Variants in COG5 observed in about 807,000 individuals in gnomAD.
COG5 encodes the protein conserved oligomeric Golgi complex subunit 5.
In COG5, 86 loss-of-function variants were observed where a neutral mutation model predicts 110.4. The observed-to-expected ratio is 0.78, with a 90% confidence interval of 0.65 to 0.93. The LOEUF (loss-of-function observed/expected upper bound fraction) is 0.93. Ranked by LOEUF, COG5 falls within the 40% of genes least tolerant of loss-of-function variation. The pLI, the probability that COG5 is intolerant of heterozygous loss-of-function variation, is 0.00. For missense variants in COG5, 1,077 were observed against 987.0 expected, an observed-to-expected ratio of 1.09 and a Z score of -1.22; for synonymous variants, 360 against 334.6, an observed-to-expected ratio of 1.08 and a Z score of -0.83.
chr7:107,531,997 C>G (rs1161513625), intron 5 of COG5, among the ~76,000 whole-genome samples: 2 of 152,222 alleles, frequency 1.3e-5, no homozygotes, highest in Non-Finnish European at 1.5e-5. Context: ...ATTTCATGCC[C>G]CAGACCTGGA....
At chr7:107,508,689 A>G (rs1170830581) in intron 6 of COG5, among the ~76,000 whole-genome samples, 1 of 152,156 alleles carries the variant, frequency 6.6e-6, no homozygotes, top group Non-Finnish European at 1.5e-5. Context: ...AAACTTCCAG[A>G]GGAACGATCA....
chr7:107,467,274 T>A (rs1307227799), intron 6 of COG5, among the ~76,000 whole-genome samples: 2 of 152,188 alleles, frequency 1.3e-5, no homozygotes, highest in Admixed American at 1.3e-4. Context: ...AAAGGTTATA[T>A]TAATTGCACA....
intron 11 of COG5, among the ~76,000 whole-genome samples, chr7:107,317,922 G>A (rs188333227): frequency 6.6e-6 from 1 of 152,234 alleles, no homozygotes; most frequent in Admixed American, 6.5e-5. Context: ...TACCTTCTAC[G>A]ATTTTACTAA....
intron 7 of COG5, 97 bp from the exon 8 acceptor site, chr7:107,372,857 T>G (rs1478292495): frequency 1.8e-6 from 2 of 1,139,468 alleles, no homozygotes; most frequent in Non-Finnish European, 2.5e-6. Context: ...TCAGCAGTCC[T>G]ATCATATTTA....
intron 6 of COG5, among the ~76,000 whole-genome samples, chr7:107,483,107 T>A (rs1797445934): frequency 6.6e-6 from 1 of 152,176 alleles, no homozygotes; most frequent in East Asian, 1.9e-4. Flanking sequence ...TTAATGCAAT[T>A]TAGTAAACAG....
At chr7:107,221,460 G>C (rs192047810) in intron 19 of COG5, among the ~76,000 whole-genome samples, 1 of 152,056 alleles carries the variant, frequency 6.6e-6, no homozygotes, top group East Asian at 1.9e-4. Context: ...AGAATTAAGT[G>C]CCAAGAAATG....
intron 6 of COG5, among the ~76,000 whole-genome samples, chr7:107,511,790 A>C (rs1473351873): frequency 6.6e-6 from 1 of 152,220 alleles, no homozygotes; most frequent in Non-Finnish European, 1.5e-5. Flanking sequence ...ACCAAAGACA[A>C]AAACCACACG....
intron 10 of COG5, among the ~76,000 whole-genome samples, chr7:107,356,364 A>C (rs996164769): frequency 1.3e-5 from 2 of 152,224 alleles, no homozygotes; most frequent in Admixed American, 6.5e-5. Flanking sequence ...AAACATATCT[A>C]TTAAATTAGC....
At chr7:107,397,175 A>T (rs1791077922) in intron 7 of COG5, among the ~76,000 whole-genome samples, 1 of 152,236 alleles carries the variant, frequency 6.6e-6, no homozygotes, top group East Asian at 1.9e-4. Context: ...CCAGTGAGAC[A>T]TAAGGACATG....
intron 7 of COG5, among the ~76,000 whole-genome samples, chr7:107,400,722 G>A (rs1330033485): frequency 6.6e-6 from 1 of 152,122 alleles, no homozygotes; most frequent in East Asian, 1.9e-4. Flanking sequence ...TTAATTAGAT[G>A]TAAGTCCACA....
At chr7:107,230,003 AC>A (rs1800666869) in intron 19 of COG5, among the ~76,000 whole-genome samples, 2 of 151,596 alleles carry the variant, frequency 1.3e-5, no homozygotes. Flanking sequence ...GGTGTGCACC[AC>A]CATGCCCAGC....
intron 14 of COG5, among the ~76,000 whole-genome samples, chr7:107,277,376 G>A (rs1241553507): frequency 1.3e-5 from 2 of 152,018 alleles, no homozygotes; most frequent in Admixed American, 6.6e-5. Flanking sequence ...CTCATTATAC[G>A]TTTCTGCTTA....
intron 21 of COG5, 125 bp from the exon 22 acceptor site, chr7:107,203,755 AGCCAAGT>A: frequency 1.4e-6 from 1 of 689,960 alleles, no homozygotes; most frequent in Non-Finnish European, 2.6e-6. Context: ...CGGTTTCACA[AGCCAAGT>A]GACCAACAGC....
intron 12 of COG5, among the ~76,000 whole-genome samples, chr7:107,289,778 T>C (rs549003171): frequency 6.6e-6 from 1 of 152,374 alleles, no homozygotes; most frequent in East Asian, 1.9e-4. Flanking sequence ...CATCTGTTAA[T>C]GTTAATAAAC....
intron 6 of COG5, among the ~76,000 whole-genome samples, chr7:107,523,015 G>T (rs1209476636): frequency 6.6e-6 from 1 of 152,048 alleles, no homozygotes; most frequent in Non-Finnish European, 1.5e-5. Context: ...ATTTCTATAT[G>T]AATTTTAAAA....
intron 1 of COG5, among the ~76,000 whole-genome samples, chr7:107,558,765 G>A (rs1803528956): frequency 6.6e-6 from 1 of 151,048 alleles, no homozygotes; most frequent in South Asian, 2.1e-4. Context: ...GTGGGCGCCT[G>A]TAGTCCCAGC....
intron 6 of COG5, among the ~76,000 whole-genome samples, chr7:107,515,049 A>G (rs1799817113): frequency 6.6e-6 from 1 of 152,204 alleles, no homozygotes; most frequent in Non-Finnish European, 1.5e-5. Flanking sequence ...AACAAGCTAC[A>G]GGGCTTATGT....
At chr7:107,526,278 G>A (rs988682010) in intron 6 of COG5, among the ~76,000 whole-genome samples, 1 of 152,116 alleles carries the variant, frequency 6.6e-6, no homozygotes, top group African/African-American at 2.4e-5. Flanking sequence ...AAATAAGTGG[G>A]TACCCAGTGA....
At chr7:107,518,195 T>C (rs1584924602) in intron 6 of COG5, among the ~76,000 whole-genome samples, 1 of 152,168 alleles carries the variant, frequency 6.6e-6, no homozygotes, top group Non-Finnish European at 1.5e-5. Flanking sequence ...TACCAGCCAC[T>C]GCAAAAGCAT....
Sources: gnomAD v4.1 joint callset for allele counts (sites outside exome capture counted in the v4.1 genomes callset) on GRCh38, gnomAD v4.1.1 for gene constraint, MANE v1.5 for transcripts, NCBI Gene and HGNC (gene_info 2026-07-23, HGNC 2026-07-21) for gene names.